Variants in FGF12 observed in about 807,000 individuals in gnomAD.
FGF12 encodes the protein fibroblast growth factor 12.
In FGF12, 14 loss-of-function variants were observed where a neutral mutation model predicts 23.6. The observed-to-expected ratio is 0.59, with a 90% confidence interval of 0.39 to 0.93. The LOEUF (loss-of-function observed/expected upper bound fraction) is 0.93, where lower values mean the gene tolerates loss of function less well. FGF12 is among the 40% of genes least tolerant of loss of function. FGF12 has a pLI of 0.00. For missense variants in FGF12, 175 were observed against 217.8 expected, an observed-to-expected ratio of 0.80 and a Z score of 1.24; for synonymous variants, 62 against 77.3, an observed-to-expected ratio of 0.80 and a Z score of 1.04.
At chr3:192,694,329 T>TATA (rs1364006831) in intron 2 of FGF12, among the ~76,000 whole-genome samples, 2 of 152,102 alleles carry the variant, frequency 1.3e-5, no homozygotes, top group African/African-American at 4.8e-5. Context: ...TGACGAACAG[T>TATA]ATGAAAGTTC....
intron 3 of FGF12, among the ~76,000 whole-genome samples, chr3:192,339,238 G>A (rs918415821): frequency 3.3e-5 from 5 of 152,176 alleles, no homozygotes; most frequent in Admixed American, 6.5e-5. Flanking sequence ...GGTGGCAAAT[G>A]ACTTACTGTT....
chr3:192,387,453 C>A (rs1720092835), intron 2 of FGF12, among the ~76,000 whole-genome samples: 2 of 152,012 alleles, frequency 1.3e-5, no homozygotes, highest in South Asian at 4.1e-4. Context: ...CTCAAAAAGC[C>A]AGGTATGCTT....
At chr3:192,639,778 T>C (rs571425590) in intron 2 of FGF12, among the ~76,000 whole-genome samples, 2 of 152,308 alleles carry the variant, frequency 1.3e-5, no homozygotes, top group African/African-American at 4.8e-5. Flanking sequence ...GTAATGTAGA[T>C]CTTATGTCAG....
At chr3:192,282,337 G>C (rs1383637128) in intron 4 of FGF12, among the ~76,000 whole-genome samples, 1 of 152,102 alleles carries the variant, frequency 6.6e-6, no homozygotes, top group African/African-American at 2.4e-5. Context: ...TGACAAAGAA[G>C]AGAATGCAAA....
chr3:192,183,549 A>G (rs1716295181), intron 4 of FGF12, among the ~76,000 whole-genome samples: 1 of 152,188 alleles, frequency 6.6e-6, no homozygotes, highest in Admixed American at 6.5e-5. Context: ...GGTTCACTTT[A>G]TGCTTTATTT....
intron 4 of FGF12, among the ~76,000 whole-genome samples, chr3:192,253,883 T>C (rs1712200494): frequency 6.6e-6 from 1 of 152,112 alleles, no homozygotes; most frequent in Non-Finnish European, 1.5e-5. Context: ...ACCACCACAG[T>C]ATTTTAAAAA....
At chr3:192,532,587 A>G (rs1009705142) in intron 2 of FGF12, among the ~76,000 whole-genome samples, 4 of 152,070 alleles carry the variant, frequency 2.6e-5, no homozygotes, top group Middle Eastern at 3.2e-3. Context: ...CTGATTTGTG[A>G]ACATTGATTT....
chr3:192,259,524 G>A (rs537773348), intron 4 of FGF12, among the ~76,000 whole-genome samples: 105 of 152,118 alleles, frequency 6.9e-4, no homozygotes, highest in African/African-American at 2.3e-3. Flanking sequence ...TGGGCAAAAC[G>A]CACTAAGTCT....
intron 2 of FGF12, among the ~76,000 whole-genome samples, chr3:192,594,551 GA>G (rs1306034470): frequency 1.3e-5 from 2 of 151,834 alleles, no homozygotes; most frequent in Admixed American, 1.3e-4. Context: ...TCATGTGTTG[GA>G]AACGTAATCC....
intron 2 of FGF12, among the ~76,000 whole-genome samples, chr3:192,687,926 G>A (rs185629898): frequency 6.6e-6 from 1 of 152,070 alleles, no homozygotes; most frequent in Non-Finnish European, 1.5e-5. Flanking sequence ...GCCAGCCCTT[G>A]CCACGATGCA....
intron 2 of FGF12, among the ~76,000 whole-genome samples, chr3:192,468,665 G>T (rs1577001252): frequency 6.6e-6 from 1 of 152,106 alleles, no homozygotes; most frequent in Admixed American, 6.5e-5. Flanking sequence ...CTTGGTTAAG[G>T]TGACATCTTC....
chr3:192,288,788 A>C (rs1182704983), intron 4 of FGF12, among the ~76,000 whole-genome samples: 3 of 152,128 alleles, frequency 2.0e-5, no homozygotes, highest in Non-Finnish European at 4.4e-5. Context: ...CCTGGTTATA[A>C]ATCCATTTTT....
At position 192,161,363 on chromosome 3, in the gene FGF12, C is replaced by T. The variant is rs748099574; in HGVS notation, c.427+9095G>A. On this transcript the variant is annotated intron_variant, in intron 5 of 5. Transcript: ENST00000445105. Reference sequence around the variant, plus strand: ...CCTTAATTCTTCCATGAGAAATACCCGGATGTTCTAAGAATACACATTTGT... The same window carrying T: ...CCTTAATTCTTCCATGAGAAATACCTGGATGTTCTAAGAATACACATTTGT... 7.1e-4 allele frequency among the ~76,000 whole-genome samples: 108 copies of T among 152,164 alleles called. 3 individuals carry two copies. The highest frequency in any genetic ancestry group is 7.7e-4 in the East Asian group (4 of 5,186).
At chr3:192,165,425 G>T (rs2108610524) in intron 5 of FGF12, among the ~76,000 whole-genome samples, 1 of 152,032 alleles carries the variant, frequency 6.6e-6, no homozygotes, top group African/African-American at 2.4e-5. Context: ...TCTAGGCTAG[G>T]TTCTATGAAG....
At chr3:192,566,222 A>G (rs1373285578) in intron 2 of FGF12, among the ~76,000 whole-genome samples, 3 of 152,264 alleles carry the variant, frequency 2.0e-5, no homozygotes, top group Non-Finnish European at 4.4e-5. Context: ...AGTTAGAGCC[A>G]AATTGAGGGA....
intron 4 of FGF12, among the ~76,000 whole-genome samples, chr3:192,198,655 A>T (rs73062588): frequency 0.026 from 3,925 of 152,304 alleles, 162 homozygotes; most frequent in African/African-American, 0.089. Context: ...AATATAAAAA[A>T]GCTTACAAAT....
intron 4 of FGF12, among the ~76,000 whole-genome samples, chr3:192,261,234 T>C (rs1712728958): frequency 6.6e-6 from 1 of 152,152 alleles, no homozygotes; most frequent in Non-Finnish European, 1.5e-5. Flanking sequence ...ATTGGCCTGG[T>C]CTACCTGAAA....
At position 192,179,655 on chromosome 3, in the gene FGF12, C is replaced by T. The variant is rs190094679; in HGVS notation, c.229-8999G>A. 1.4e-3 allele frequency among the ~76,000 whole-genome samples: 218 copies of T among 151,836 alleles called. 4 individuals carry two copies. The East Asian group carries it at 0.034, about 24-fold the overall frequency. On this transcript the variant is annotated intron_variant, in intron 4 of 5. Transcript: ENST00000445105. ...CCGCCTCCCGGGTTCAAGTGATTCT[C>T]ATGCCTCAGCCTCCCAAGTTGCTTG...
intron 2 of FGF12, among the ~76,000 whole-genome samples, chr3:192,649,612 G>A (rs1503597): frequency 0.57 from 86,476 of 151,548 alleles, 25,050 homozygotes; most frequent in East Asian, 0.67. Context: ...ATGGAATACA[G>A]TGCCATCTTG....
Sources: gnomAD v4.1 joint callset for allele counts (sites outside exome capture counted in the v4.1 genomes callset) on GRCh38, gnomAD v4.1.1 for gene constraint, MANE v1.5 for transcripts, NCBI Gene and HGNC (gene_info 2026-07-23, HGNC 2026-07-21) for gene names.